The following BBOF1 variants were observed in gnomAD, a reference collection of about 807,000 sequenced individuals.
The protein encoded by BBOF1 is basal body orientation factor 1.
Under a neutral mutation model 68.0 loss-of-function variants are expected in BBOF1, and 62 were observed. The observed-to-expected ratio is 0.91, with a 90% CI of 0.74 to 1.13. The LOEUF (loss-of-function observed/expected upper bound fraction) is 1.13. Ranked by LOEUF, BBOF1 falls within the 50% of genes most tolerant of loss-of-function variation. The pLI is 0.00. For missense variants in BBOF1, 534 were observed against 600.1 expected (o/e 0.89, Z 1.15); for synonymous variants, 208 against 198.8 (o/e 1.05, Z -0.39).
intron 9 of BBOF1, 45 bp downstream of exon 9, chr14:74,055,730 C>T (rs1419933793): frequency 2.2e-6 from 3 of 1,393,168 alleles, no homozygotes; most frequent in African/African-American, 1.4e-5. Context: ...GTTATCAAAT[C>T]TAGAAACCAC....
chr14:74,063,696 T>C (rs2060397666), intron 11 of BBOF1, among the ~76,000 whole-genome samples: 1 of 150,952 alleles, frequency 6.6e-6, no homozygotes, highest in Admixed American at 6.6e-5. Flanking sequence ...TGAAACCCTA[T>C]CTCCACTAAA....
At chr14:74,071,181 A>T (rs371365636) in intron 9 of BBOF1, 54 of 1,611,424 alleles carry the variant, frequency 3.4e-5, no homozygotes, top group Non-Finnish European at 4.5e-5. Context: ...AGCCATATGC[A>T]TAAGGGCAGT....
At chr14:74,023,940 A>G (rs1359821321) in intron 2 of BBOF1, among the ~76,000 whole-genome samples, 3 of 147,874 alleles carry the variant, frequency 2.0e-5, no homozygotes, top group South Asian at 4.4e-4. Context: ...AAAAAAAAAA[A>G]AAAGAAAAGA....
chr14:74,044,474 T>TC (rs1351391574), intron 5 of BBOF1, among the ~76,000 whole-genome samples: 2 of 40,278 alleles, frequency 5.0e-5, no homozygotes, highest in African/African-American at 1.4e-4. Flanking sequence ...CAACCTCTTC[T>TC]CTTTTTTTTT....
In BBOF1 at chr14:74,057,744, C is replaced by T. The variant is rs891420554; in HGVS notation, c.1578+486C>T. The T allele has an allele frequency of 7.0e-6, 8 of 1,148,814 alleles. No homozygotes were observed. The African/African-American group carries it at 1.2e-4, about 17-fold the overall frequency. The allele number at this position is 1,148,814 out of a possible 1,614,324, so 71.2% of individuals were successfully genotyped here. A position where few individuals can be genotyped will look rare whatever the true frequency, so the allele number is the denominator to read the frequency against. ...GAATCTGAGAAATTTCAAATGAAGC[C>T]ACATTAGAACAAAAAGAAAATACTG... On this transcript the variant is annotated intron_variant, in intron 11 of 11. Transcript: ENST00000394009.
At chr14:74,026,931 A>G (rs1376953428) in intron 2 of BBOF1, among the ~76,000 whole-genome samples, 2 of 119,770 alleles carry the variant, frequency 1.7e-5, no homozygotes, top group South Asian at 3.9e-4. Flanking sequence ...TCTCAAAAGG[A>G]AAAAAAAAAA....
chr14:74,039,272 C>T (rs1033630239), intron 4 of BBOF1, among the ~76,000 whole-genome samples: 2 of 152,078 alleles, frequency 1.3e-5, no homozygotes, highest in African/African-American at 2.4e-5. Context: ...TTTTCTATAA[C>T]ATTTTTTCAA....
intron 5 of BBOF1, among the ~76,000 whole-genome samples, chr14:74,044,581 G>A (rs1299366525): frequency 6.6e-6 from 1 of 151,000 alleles, no homozygotes; most frequent in Non-Finnish European, 1.5e-5. Context: ...TCCTGGCTCA[G>A]TCTTCTGAGT....
chr14:74,032,758 C>T (rs373550204), intron 3 of BBOF1, among the ~76,000 whole-genome samples: 1 of 152,162 alleles, frequency 6.6e-6, no homozygotes, highest in African/African-American at 2.4e-5. Flanking sequence ...TCCCAAAGTG[C>T]TGGGATTACA....
chr14:74,029,292 C>CA, intron 3 of BBOF1, 43 bp downstream of exon 3: 1 of 1,314,284 alleles, frequency 7.6e-7, no homozygotes, highest in Non-Finnish European at 1.1e-6. Flanking sequence ...ACTGGATGGT[C>CA]AGGTTTCTGG....
At chr14:74,071,357 T>C (rs1263211287) in intron 9 of BBOF1, 1 of 1,614,140 alleles carries the variant, frequency 6.2e-7, no homozygotes, top group Non-Finnish European at 8.5e-7. Context: ...AGGGGGATCA[T>C]GGCAGGAAAA....
intron 11 of BBOF1, chr14:74,057,657 C>A: frequency 7.5e-7 from 1 of 1,324,620 alleles, no homozygotes; most frequent in Non-Finnish European, 9.9e-7. Context: ...TTTTTTTAAG[C>A]CAAGTTTTTC....
chr14:74,071,596 A>G (rs910663565), intron 9 of BBOF1: 20 of 1,603,254 alleles, frequency 1.2e-5, no homozygotes, highest in Middle Eastern at 4.5e-4. Flanking sequence ...GTTCAGGCCA[A>G]TGAAGGGGTG....
At chr14:74,026,269 C>G (rs2059423670) in intron 2 of BBOF1, among the ~76,000 whole-genome samples, 1 of 151,566 alleles carries the variant, frequency 6.6e-6, no homozygotes, top group African/African-American at 2.4e-5. Context: ...TGACGAAACC[C>G]CATCTCTACT....
intron 10 of BBOF1, among the ~76,000 whole-genome samples, chr14:74,078,822 C>A (rs2060641056): frequency 6.6e-6 from 1 of 151,778 alleles, no homozygotes; most frequent in Admixed American, 6.6e-5. Context: ...AGCCACTGCA[C>A]CTGGCCACAT....
intron 5 of BBOF1, among the ~76,000 whole-genome samples, chr14:74,043,406 C>G (rs550087926): frequency 6.7e-6 from 1 of 148,980 alleles, no homozygotes; most frequent in East Asian, 2.0e-4. Context: ...AAAAATTAGC[C>G]GGGCGCGGTG....
chr14:74,055,597 G>C lies in BBOF1; in HGVS notation c.1300G>C (p.Gly434Arg). ...LEAEKWTHIEGNVDIGDLTWE... is the reference protein window; with the variant it reads ...LEAEKWTHIERNVDIGDLTWE... ...GAAATTCTTTAGGACACATATTGAAGGAAATGTGGATATTGGAGATTTGAC... is the reference window on the plus strand; with the variant it reads ...GAAATTCTTTAGGACACATATTGAACGAAATGTGGATATTGGAGATTTGAC... Residue 434 changes from glycine to arginine, a missense_variant, in exon 9 of 12, where the codon GGA becomes CGA. Physicochemically the swap from Gly to Arg is moderately radical, Grantham distance 125 (BLOSUM62 -2). Transcript: ENST00000394009. The C allele has an allele frequency of 6.2e-7, 1 of 1,612,138 alleles. No homozygotes were observed. Among genetic ancestry groups the C allele is most frequent in the Middle Eastern group, 1.7e-4 (1 of 6,056 alleles).
Position 74,049,774 on chromosome 14 carries a change from C to T in BBOF1, c.865C>T (p.Gln289Ter). Residue 289 changes from glutamine (Q) to a stop codon, truncating the protein, a stop_gained, in exon 8 of 12, where the codon CAG becomes TAG. Coordinates refer to ENST00000394009, the MANE Select transcript of BBOF1 (RefSeq NM_025057.3). LOFTEE classifies it high-confidence loss of function. ...VQQRSQIQTL[Q>*]KKVVNLETAL... ...GCAGAGATCACAAATCCAAACCCTT[C>T]AGAAGAAGGTAGTAAACTTGGAGAC... 6.2e-7 allele frequency: 1 copy of T among 1,614,106 alleles called. No individual in the cohort carries two copies. The highest frequency in any genetic ancestry group is 8.5e-7 in the Non-Finnish European group (1 of 1,180,012).
intron 4 of BBOF1, among the ~76,000 whole-genome samples, chr14:74,038,223 G>A (rs899265039): frequency 1.1e-4 from 16 of 152,126 alleles, no homozygotes; most frequent in African/African-American, 3.9e-4. Context: ...CGGGTCTTTT[G>A]TTAAAAACAT....
Sources: gnomAD v4.1 joint callset for allele counts (sites outside exome capture counted in the v4.1 genomes callset) on GRCh38, gnomAD v4.1.1 for gene constraint, MANE v1.5 for transcripts, NCBI Gene and HGNC (gene_info 2026-07-23, HGNC 2026-07-21) for gene names.